FBXL7: variants seen among roughly 807,000 people sequenced by gnomAD.
FBXL7 encodes F-box/LRR-repeat protein 7.
FBXL7 carries 12 observed loss-of-function variants against 38.3 expected under a neutral mutation model. The observed-to-expected ratio is 0.31, with a 90% CI of 0.20 to 0.51. The LOEUF (loss-of-function observed/expected upper bound fraction) is 0.51, where lower values mean the gene tolerates loss of function less well. Among genes scored for constraint, FBXL7 ranks in the 20% least tolerant of loss-of-function variants. The probability of loss-of-function intolerance (pLI) is 0.98; values close to 1 mark genes in which losing one functional copy is unlikely to be tolerated. For missense variants in FBXL7, 567 were observed against 676.4 expected (o/e 0.84, Z 1.79); for synonymous variants, 297 against 300.9 (o/e 0.99, Z 0.13).
At chr5:15,824,564 T>C (rs1312103192) in intron 2 of FBXL7, among the ~76,000 whole-genome samples, 2 of 151,690 alleles carry the variant, frequency 1.3e-5, no homozygotes, top group African/African-American at 4.8e-5. Flanking sequence ...AAAAAAAAGG[T>C]TTTCTGTAGC....
intron 2 of FBXL7, among the ~76,000 whole-genome samples, chr5:15,619,183 G>C (rs1210487196): frequency 6.6e-6 from 1 of 152,068 alleles, no homozygotes; most frequent in Non-Finnish European, 1.5e-5. Flanking sequence ...CTTTTTCCCC[G>C]GTGGCATGGA....
intron 1 of FBXL7, among the ~76,000 whole-genome samples, chr5:15,571,411 G>A (rs1251477373): frequency 3.3e-5 from 5 of 152,162 alleles, no homozygotes; most frequent in African/African-American, 1.2e-4. Flanking sequence ...ATGAAGAGAT[G>A]TAGGATGTGA....
intron 2 of FBXL7, among the ~76,000 whole-genome samples, chr5:15,780,045 C>G (rs1472431617): frequency 1.3e-5 from 2 of 152,144 alleles, no homozygotes; most frequent in African/African-American, 4.8e-5. Context: ...TAAGTGATTT[C>G]TCTTTGGCCA....
At chr5:15,519,072 G>A (rs565609001) in intron 1 of FBXL7, among the ~76,000 whole-genome samples, 1 of 152,082 alleles carries the variant, frequency 6.6e-6, no homozygotes. Flanking sequence ...AGCAGGGCGC[G>A]GTGGCTCATG....
intron 2 of FBXL7, among the ~76,000 whole-genome samples, chr5:15,882,287 C>T (rs563584965): frequency 2.0e-5 from 3 of 152,226 alleles, no homozygotes; most frequent in East Asian, 1.9e-4. Flanking sequence ...CTAGTCACAC[C>T]GGATATACTG....
intron 1 of FBXL7, among the ~76,000 whole-genome samples, chr5:15,612,751 C>A (rs935225196): frequency 2.6e-5 from 4 of 152,128 alleles, no homozygotes; most frequent in African/African-American, 4.8e-5. Flanking sequence ...GATGCCATCT[C>A]TTTGTAGGAG....
At chr5:15,596,554 TAAGA>T (rs1328009515) in intron 1 of FBXL7, among the ~76,000 whole-genome samples, 1 of 152,116 alleles carries the variant, frequency 6.6e-6, no homozygotes, top group Non-Finnish European at 1.5e-5. Context: ...TGAATTAAAT[TAAGA>T]AAAAAATTTA....
At chr5:15,587,306 C>T (rs1739335235) in intron 1 of FBXL7, among the ~76,000 whole-genome samples, 1 of 152,158 alleles carries the variant, frequency 6.6e-6, no homozygotes, top group South Asian at 2.1e-4. Context: ...CTTCTTCACT[C>T]TGCAGGGCTG....
chr5:15,721,009 C>A (rs1744181149), intron 2 of FBXL7, among the ~76,000 whole-genome samples: 1 of 151,978 alleles, frequency 6.6e-6, no homozygotes, highest in Admixed American at 6.6e-5. Context: ...TGATGTTTGA[C>A]TTTAATTCTG....
intron 2 of FBXL7, among the ~76,000 whole-genome samples, chr5:15,878,518 C>G (rs1740308801): frequency 1.3e-5 from 2 of 152,178 alleles, no homozygotes; most frequent in Admixed American, 1.3e-4. Flanking sequence ...TATCTTCAAA[C>G]TATTTATAAT....
intron 2 of FBXL7, among the ~76,000 whole-genome samples, chr5:15,791,586 A>C (rs1355075511): frequency 6.6e-6 from 1 of 152,108 alleles, no homozygotes; most frequent in South Asian, 2.1e-4. Context: ...GTTAAGAAGG[A>C]CCCTAAAAGA....
chr5:15,867,227 C>A (rs530715178), intron 2 of FBXL7, among the ~76,000 whole-genome samples: 3 of 152,304 alleles, frequency 2.0e-5, no homozygotes, highest in African/African-American at 7.2e-5. Context: ...GCTTTCAGTT[C>A]TTAGCATACA....
chr5:15,681,835 A>C (rs907419960), intron 2 of FBXL7, among the ~76,000 whole-genome samples: 1 of 152,216 alleles, frequency 6.6e-6, no homozygotes, highest in Admixed American at 6.5e-5. Flanking sequence ...AATACGTCAA[A>C]TAAGAACATA....
chr5:15,764,575 G>A (rs1343935568), intron 2 of FBXL7, among the ~76,000 whole-genome samples: 3 of 152,204 alleles, frequency 2.0e-5, no homozygotes, highest in African/African-American at 7.2e-5. Flanking sequence ...AACTCCGAGG[G>A]GGGCTTAAGA....
At chr5:15,801,838 G>T (rs2126742151) in intron 2 of FBXL7, among the ~76,000 whole-genome samples, 1 of 151,812 alleles carries the variant, frequency 6.6e-6, no homozygotes. Flanking sequence ...ATTTCGGGGG[G>T]GGCGGGGTTA....
rs78900456 is a variant in FBXL7, at chr5:15,918,804, T to C, written c.128-9086T>C. Among the ~76,000 whole-genome samples, 318 of 152,370 alleles carry C rather than the reference T, an allele frequency of 2.1e-3. 2 individuals carry two copies. The East Asian group carries it at 0.04, about 19-fold the overall frequency. ...TTGGACAGGAGTCTCTGCCATCGTC[T>C]GATCCTGGGGGGTACCAACTGCTGG... On this transcript the variant is annotated intron_variant, in intron 2 of 3. Coordinates refer to ENST00000504595, the MANE Select transcript of FBXL7 (RefSeq NM_012304.5).
chr5:15,635,294 AG>A (rs1741145116), intron 2 of FBXL7, among the ~76,000 whole-genome samples: 1 of 152,294 alleles, frequency 6.6e-6, no homozygotes, highest in Non-Finnish European at 1.5e-5. Flanking sequence ...GAGAGCTCAC[AG>A]GGACTTCAGA....
At chr5:15,518,318 A>G (rs1263068461) in intron 1 of FBXL7, among the ~76,000 whole-genome samples, 2 of 152,096 alleles carry the variant, frequency 1.3e-5, no homozygotes, top group Non-Finnish European at 2.9e-5. Context: ...CAACCTTCAT[A>G]CTAGACTCAC....
chr5:15,850,240 C>T (rs1208075658), intron 2 of FBXL7, among the ~76,000 whole-genome samples: 3 of 152,118 alleles, frequency 2.0e-5, no homozygotes, highest in East Asian at 3.8e-4. Context: ...GAAAACATTC[C>T]GTTATTATGA....
Sources: allele counts gnomAD v4.1 joint callset (sites outside exome capture counted in the v4.1 genomes callset), GRCh38; gene constraint gnomAD v4.1.1; transcripts MANE v1.5; gene names NCBI Gene and HGNC (gene_info 2026-07-23, HGNC 2026-07-21).